The following SNRPD3 variants were observed in gnomAD, a reference collection of about 807,000 sequenced individuals.
The protein encoded by SNRPD3 is small nuclear ribonucleoprotein D3 polypeptide.
For missense variants in SNRPD3, 73 were observed against 167.5 expected (o/e 0.44, Z 3.11); for synonymous variants, 66 against 58.4 (o/e 1.13, Z -0.59).
intron 2 of SNRPD3, among the ~76,000 whole-genome samples, chr22:24,564,775 G>A (rs2045179681): frequency 6.6e-6 from 1 of 152,088 alleles, no homozygotes; most frequent in African/African-American, 2.4e-5. Flanking sequence ...GCTTAGCAGT[G>A]GCACAGCTCC....
chr22:24,562,113 C>T (rs962655096), intron 2 of SNRPD3, among the ~76,000 whole-genome samples: 1 of 152,250 alleles, frequency 6.6e-6, no homozygotes, highest in African/African-American at 2.4e-5. Flanking sequence ...CCACCTTGGC[C>T]TCCCAAAGTA....
chr22:24,565,539 A>G (rs1003972063), intron 2 of SNRPD3, among the ~76,000 whole-genome samples: 2 of 152,188 alleles, frequency 1.3e-5, no homozygotes, highest in Admixed American at 6.5e-5. Context: ...AGATATACCT[A>G]GGGTTACACT....
rs2298390 is a variant in SNRPD3, at chr22:24,558,172, A to G, written c.126+372A>G. ...TTAGCAGAATCTTCTCACCTACTGTATTTGTTTCCCTTTTCTCTTGGAGGA... is the reference window on the plus strand; with the variant it reads ...TTAGCAGAATCTTCTCACCTACTGTGTTTGTTTCCCTTTTCTCTTGGAGGA... On this transcript the variant is annotated intron_variant, in intron 2 of 3. Coordinates refer to ENST00000215829, the MANE Select transcript of SNRPD3 (RefSeq NM_004175.5). 4.4e-5 allele frequency: 7 copies of G among 158,972 alleles called. No homozygotes were observed. The East Asian group carries it at 1.3e-3, about 30-fold the overall frequency. 9.8% of individuals were successfully genotyped at this position (158,972 alleles called of 1,614,324 possible). A position where few individuals can be genotyped will look rare whatever the true frequency, so the allele number is the denominator to read the frequency against.
rs1030252295 is a variant in SNRPD3, at chr22:24,573,646, G to A, written c.*1669G>A. ...TGCCAGCACTTTGGGAGGTCGAGGC[G>A]GGAGGATCACTTGAACCTAGGAGTT... On this transcript the variant is annotated 3_prime_UTR_variant, in exon 4 of 4. Transcript: ENST00000215829. Among the ~76,000 whole-genome samples the A allele has an allele frequency of 1.1e-4, 17 of 152,186 alleles. No homozygotes were observed. Among genetic ancestry groups the A allele is most frequent in the African/African-American group, 3.9e-4 (16 of 41,456 alleles).
rs2045276442 is a variant in SNRPD3 at position 24,574,789 on chromosome 22, G to A, written c.*2812G>A. 6.6e-6 allele frequency among the ~76,000 whole-genome samples: 1 copy of A among 151,998 alleles called. No individual in the cohort carries two copies. The highest frequency in any genetic ancestry group is 1.5e-5 in the Non-Finnish European group (1 of 67,992). On this transcript the variant is annotated 3_prime_UTR_variant, in exon 4 of 4. Coordinates refer to ENST00000215829, the MANE Select transcript of SNRPD3 (RefSeq NM_004175.5). ...ACTCCGGGGCTCAAGTGATCTGCCC[G>A]CCTCGGCCTGCTGGGATTATAGGTG...
chr22:24,565,133 C>T (rs1369999917), intron 2 of SNRPD3, among the ~76,000 whole-genome samples: 1 of 152,094 alleles, frequency 6.6e-6, no homozygotes, highest in Non-Finnish European at 1.5e-5. Flanking sequence ...AGTCCTCCCA[C>T]CTTGGCCTCC....
Position 24,556,089 on chromosome 22 carries a change from C to T in SNRPD3, c.-19+18C>T. The T allele has an allele frequency of 1.7e-6, 1 of 573,134 alleles. No individual in the cohort carries two copies. Among genetic ancestry groups the T allele is most frequent in the African/African-American group, 1.9e-5 (1 of 53,468 alleles). 35.5% of individuals were successfully genotyped at this position (573,134 alleles called of 1,614,324 possible). ...CAGAGCCGGTGAGGCTGGGGACGGG[C>T]GAGGGGAGGTCGAGGCGCCTGTGAG... On this transcript the variant is annotated intron_variant, in intron 1 of 3. Coordinates refer to ENST00000215829, the MANE Select transcript of SNRPD3 (RefSeq NM_004175.5).
rs1491004390 is a variant in SNRPD3, at chr22:24,565,821, C to T, written c.127-2163C>T. On this transcript the variant is annotated intron_variant, in intron 2 of 3. Transcript: ENST00000215829. ...GACTACAGGCACCTGCCACCACACC[C>T]GGCTAATTTTTGTATTTTTAGTAGA... is the stretch of plus-strand genomic sequence containing the variant. Among the ~76,000 whole-genome samples the T allele has an allele frequency of 2.6e-5, 4 of 152,112 alleles. No individual in the cohort carries two copies. The East Asian group carries it at 5.8e-4, about 22-fold the overall frequency.
At chr22:24,568,206 A>G in intron 3 of SNRPD3, 30 bp downstream of exon 3, 3 of 1,565,248 alleles carry the variant, frequency 1.9e-6, no homozygotes, top group Non-Finnish European at 2.6e-6. Context: ...AGGTTTTAAA[A>G]TATAGGTTTG....
At position 24,572,106 on chromosome 22, in the gene SNRPD3, G is replaced by A; in HGVS notation, c.*129G>A. On this transcript the variant is annotated 3_prime_UTR_variant, in exon 4 of 4. Transcript: ENST00000215829. The stretch of plus-strand genomic sequence containing the variant: ...TCTTTAGATCAGGGGAAATGTTTAA[G>A]CTAAATAAATCTGGGGGGTTTTTTG... The A allele has an allele frequency of 1.3e-6, 2 of 1,517,790 alleles. No individual in the cohort carries two copies. Among genetic ancestry groups the A allele is most frequent in the Non-Finnish European group, 1.8e-6 (2 of 1,115,792 alleles). The allele number at this position is 1,517,790 out of a possible 1,614,324, so 94.0% of individuals were successfully genotyped here. A position where few individuals can be genotyped will look rare whatever the true frequency, so the allele number is the denominator to read the frequency against.
intron 2 of SNRPD3, among the ~76,000 whole-genome samples, chr22:24,567,428 G>C (rs779392409): frequency 3.9e-5 from 6 of 152,194 alleles, no homozygotes; most frequent in Admixed American, 6.5e-5. Flanking sequence ...TGGGATAACT[G>C]CTTTGGTTTT....
At position 24,572,341 on chromosome 22, in the gene SNRPD3, C is replaced by T. The variant is rs184005320; in HGVS notation, c.*364C>T. On this transcript the variant is annotated 3_prime_UTR_variant, in exon 4 of 4. Coordinates refer to ENST00000215829, the MANE Select transcript of SNRPD3 (RefSeq NM_004175.5). ...TCACCTTGGAGAAGCTCCGAGAACA[C>T]ACAGATTGTGTCTCATTCATCTTCA... 5.0e-4 allele frequency: 287 copies of T among 579,446 alleles called. 2 individuals carry two copies. Among genetic ancestry groups the T allele is most frequent in the Non-Finnish European group, 7.1e-4 (233 of 327,024 alleles). 35.9% of individuals were successfully genotyped at this position (579,446 alleles called of 1,614,324 possible). A position where few individuals can be genotyped will look rare whatever the true frequency, so the allele number is the denominator to read the frequency against.
chr22:24,555,993 C>G, upstream of SNRPD3: 1 of 690,354 alleles, frequency 1.4e-6, no homozygotes, highest in Non-Finnish European at 2.4e-6. Flanking sequence ...GGGTGTTAGG[C>G]CCGCCATTCG....
In SNRPD3 at chr22:24,574,291, G is replaced by C. The variant is rs886635808; in HGVS notation, c.*2314G>C. On this transcript the variant is annotated 3_prime_UTR_variant, in exon 4 of 4. Coordinates refer to ENST00000215829, the MANE Select transcript of SNRPD3 (RefSeq NM_004175.5). ...CTATAACCCTACCTAGATCTGAAAAGTGAAGGGGGATCAACCTAAAATATG... is the reference window on the plus strand; with the variant it reads ...CTATAACCCTACCTAGATCTGAAAACTGAAGGGGGATCAACCTAAAATATG... Among the ~76,000 whole-genome samples the C allele has an allele frequency of 6.6e-6, 1 of 152,216 alleles. No homozygotes were observed. Among genetic ancestry groups the C allele is most frequent in the Non-Finnish European group, 1.5e-5 (1 of 68,034 alleles).
chr22:24,568,185 T>C lies in SNRPD3; in HGVS notation c.319+9T>C, dbSNP rs1309826962. 4.4e-6 allele frequency: 7 copies of C among 1,600,774 alleles called. No individual in the cohort carries two copies. In the South Asian group the frequency reaches 7.8e-5, roughly 18 times the overall value. ...TATTCTCAAGGCCCAAGGTAGGTGC[T>C]TTTCATGCACAGGTTTTAAAATATA... On this transcript the variant is annotated intron_variant, in intron 3 of 3. Transcript: ENST00000215829.
intron 2 of SNRPD3, among the ~76,000 whole-genome samples, chr22:24,564,068 C>T (rs1446603007): frequency 1.3e-4 from 20 of 152,058 alleles, no homozygotes. Flanking sequence ...TCATCATGCT[C>T]CTCTACCCCA....
intron 2 of SNRPD3, among the ~76,000 whole-genome samples, chr22:24,561,064 C>CTTTTTT (rs1164120857): frequency 0.01 from 618 of 61,610 alleles, 9 homozygotes; most frequent in African/African-American, 0.012. Flanking sequence ...TTTTTCTTTT[C>CTTTTTT]TTTTTTTTTT....
intron 1 of SNRPD3, 138 bp downstream of exon 1, chr22:24,556,209 C>T: frequency 2.8e-6 from 1 of 351,190 alleles, no homozygotes; most frequent in African/African-American, 2.1e-5. Context: ...ACATCAGCGT[C>T]GCCTCACTAG....
chr22:24,566,896 A>G (rs2045201432), intron 2 of SNRPD3, among the ~76,000 whole-genome samples: 2 of 152,046 alleles, frequency 1.3e-5, no homozygotes, highest in Non-Finnish European at 1.5e-5. Context: ...ATCTTTCCTG[A>G]GTGCTGCCTT....
Sources: gnomAD v4.1 joint callset for allele counts (sites outside exome capture counted in the v4.1 genomes callset) on GRCh38, gnomAD v4.1.1 for gene constraint, MANE v1.5 for transcripts, NCBI Gene and HGNC (gene_info 2026-07-23, HGNC 2026-07-21) for gene names.